Variants in ZFPM2 observed in about 807,000 individuals in gnomAD.
ZFPM2 encodes the protein zinc finger protein, FOG family member 2.
ZFPM2 carries 20 observed loss-of-function variants against 98.6 expected under a neutral mutation model. That is an observed-to-expected ratio of 0.20 (90% CI 0.14 to 0.29). ZFPM2 has a LOEUF of 0.29. ZFPM2 is among the 10% of genes least tolerant of loss of function. The probability of loss-of-function intolerance (pLI) is 1.00; values close to 1 mark genes in which losing one functional copy is unlikely to be tolerated. For missense variants in ZFPM2, 1,310 were observed against 1,388.6 expected (o/e 0.94, Z 0.90); for synonymous variants, 518 against 502.7 (o/e 1.03, Z -0.41).
chr8:105,621,920 A>G (rs1174816697), intron 4 of ZFPM2, among the ~76,000 whole-genome samples: 4 of 152,142 alleles, frequency 2.6e-5, no homozygotes, highest in Non-Finnish European at 5.9e-5. Context: ...ACATAGGTAT[A>G]CATGTGCCAT....
At position 105,526,533 on chromosome 8, in the gene ZFPM2, T is replaced by C. The variant is rs140639462; in HGVS notation, c.302-34830T>C. Reference sequence around the variant, plus strand: ...AAATACAGAAACTACCTGACTAGCCTCTTTGATTTTTTAAATTTTATATTT... The same window carrying C: ...AAATACAGAAACTACCTGACTAGCCCCTTTGATTTTTTAAATTTTATATTT... On this transcript the variant is annotated intron_variant, in intron 3 of 7. Coordinates refer to ENST00000407775, the MANE Select transcript of ZFPM2 (RefSeq NM_012082.4). 1.1e-3 allele frequency among the ~76,000 whole-genome samples: 167 copies of C among 152,318 alleles called. 4 individuals are homozygous for C. The East Asian group carries it at 0.012, about 11-fold the overall frequency.
At chr8:105,395,330 G>C (rs756019456) in intron 1 of ZFPM2, among the ~76,000 whole-genome samples, 1 of 152,146 alleles carries the variant, frequency 6.6e-6, no homozygotes, top group Admixed American at 6.5e-5. Flanking sequence ...GTATTACCAT[G>C]TGTCGTCTCT....
chr8:105,684,281 A>C (rs935253500), intron 5 of ZFPM2, among the ~76,000 whole-genome samples: 7 of 152,120 alleles, frequency 4.6e-5, no homozygotes, highest in African/African-American at 1.4e-4. Flanking sequence ...AGATTTTGAC[A>C]TGAAATGCAT....
chr8:105,661,551 C>G (rs1339548199), intron 5 of ZFPM2, among the ~76,000 whole-genome samples: 1 of 152,024 alleles, frequency 6.6e-6, no homozygotes, highest in East Asian at 1.9e-4. Context: ...ATTGTTAGAC[C>G]GCAGACCTTT....
chr8:105,398,986 G>T (rs1811279992), intron 1 of ZFPM2, among the ~76,000 whole-genome samples: 1 of 152,136 alleles, frequency 6.6e-6, no homozygotes, highest in Non-Finnish European at 1.5e-5. Flanking sequence ...AGCAGAAGTG[G>T]AGTGTTCCAG....
At chr8:105,442,365 C>T (rs1812271378) in intron 2 of ZFPM2, among the ~76,000 whole-genome samples, 1 of 151,862 alleles carries the variant, frequency 6.6e-6, no homozygotes, top group African/African-American at 2.4e-5. Flanking sequence ...AAAACAAAAA[C>T]AAAAAAACAA....
rs748616841 is a variant in ZFPM2 at position 105,802,991 on chromosome 8, G to C, written c.2909G>C (p.Gly970Ala). ...TTTCTTCCACAATGCCTTTACCCTGGAGCAATAAAGAAAGCAAAAGGAGCC... is the reference window on the plus strand; with the variant it reads ...TTTCTTCCACAATGCCTTTACCCTGCAGCAATAAAGAAAGCAAAAGGAGCC... ...HLFLPQCLYP[G>A]AIKKAKGADQ... The change falls in exon 8 of 8, where the codon GGA (glycine) becomes GCA (alanine). Residue 970 changes from glycine (G) to alanine (A), a missense_variant. Coordinates refer to ENST00000407775, the MANE Select transcript of ZFPM2 (RefSeq NM_012082.4). 34 of 1,612,780 alleles carry C rather than the reference G, an allele frequency of 2.1e-5. No homozygotes were observed. Among genetic ancestry groups the C allele is most frequent in the Middle Eastern group, 1.7e-4 (1 of 6,058 alleles).
At chr8:105,543,994 C>T (rs1254926000) in intron 3 of ZFPM2, among the ~76,000 whole-genome samples, 1 of 152,152 alleles carries the variant, frequency 6.6e-6, no homozygotes, top group Admixed American at 6.5e-5. Context: ...ATGAACAATT[C>T]TAACTGAAGA....
chr8:105,446,209 C>T (rs922102537), intron 3 of ZFPM2, among the ~76,000 whole-genome samples: 7 of 151,778 alleles, frequency 4.6e-5, no homozygotes, highest in African/African-American at 1.5e-4. Flanking sequence ...CGTGAGCTAC[C>T]GTGCCCGGCG....
At chr8:105,583,732 T>C (rs1320421227) in intron 4 of ZFPM2, among the ~76,000 whole-genome samples, 1 of 151,784 alleles carries the variant, frequency 6.6e-6, no homozygotes, top group Non-Finnish European at 1.5e-5. Flanking sequence ...TCCCAGAGAG[T>C]TGAAGAATAA....
chr8:105,336,536 A>T (rs998777490), intron 1 of ZFPM2, among the ~76,000 whole-genome samples: 2 of 151,834 alleles, frequency 1.3e-5, no homozygotes, highest in African/African-American at 4.8e-5. Context: ...TTATAAAAAG[A>T]TCTTGTTGAA....
chr8:105,747,535 A>T (rs1355570266), intron 5 of ZFPM2, among the ~76,000 whole-genome samples: 1 of 152,054 alleles, frequency 6.6e-6, no homozygotes, highest in Non-Finnish European at 1.5e-5. Flanking sequence ...GTAGATTAAA[A>T]CCAAACAGGA....
intron 5 of ZFPM2, among the ~76,000 whole-genome samples, chr8:105,788,506 T>C (rs1004736264): frequency 6.6e-6 from 1 of 152,158 alleles, no homozygotes; most frequent in African/African-American, 2.4e-5. Context: ...AGTCTCCTCC[T>C]ACTTCTGGTC....
rs2130407273 is a variant in ZFPM2, at chr8:105,485,999, A to G, written c.301+41618A>G. ...AGCAGGTTCAATAACACGGAGATCT[A>G]TCACCTGAGCTTTGGATGACTCACA... On this transcript the variant is annotated intron_variant, in intron 3 of 7. Transcript: ENST00000407775. Among the ~76,000 whole-genome samples, 3 of 152,172 alleles carry G rather than the reference A, an allele frequency of 2.0e-5. No individual in the cohort carries two copies. The East Asian group carries it at 5.8e-4, about 30-fold the overall frequency.
At chr8:105,505,966 G>C (rs1654981968) in intron 3 of ZFPM2, among the ~76,000 whole-genome samples, 1 of 152,006 alleles carries the variant, frequency 6.6e-6, no homozygotes, top group Non-Finnish European at 1.5e-5. Flanking sequence ...TATTTTTAAA[G>C]CAGGAATAAA....
At chr8:105,729,878 T>C (rs2131011983) in intron 5 of ZFPM2, among the ~76,000 whole-genome samples, 1 of 151,296 alleles carries the variant, frequency 6.6e-6, no homozygotes, top group South Asian at 2.1e-4. Flanking sequence ...CTCTATTAAA[T>C]ATATATAGTA....
rs376834507 is a variant in ZFPM2, at chr8:105,693,980, CT to C, written c.532+59645del. On this transcript the variant is annotated intron_variant, in intron 5 of 7. Transcript: ENST00000407775. ...TTTTTTTCTTTTCTTTTTTTCTTTT[CT>C]TTTTTTTTTTTTTTTTTTTTTGAGA... 9.0e-3 allele frequency among the ~76,000 whole-genome samples: 1,067 copies of C among 118,210 alleles called. 7 individuals carry two copies. The highest frequency in any genetic ancestry group is 0.034 in the African/African-American group (978 of 28,570). 77.6% of individuals were successfully genotyped at this position (118,210 alleles called of 152,430 possible). A position where few individuals can be genotyped will look rare whatever the true frequency, so the allele number is the denominator to read the frequency against.
chr8:105,763,214 T>A (rs1481650159), intron 5 of ZFPM2, among the ~76,000 whole-genome samples: 1 of 151,856 alleles, frequency 6.6e-6, no homozygotes, highest in African/African-American at 2.4e-5. Flanking sequence ...TTGAAGCCCA[T>A]AACTATTTTC....
chr8:105,583,737 G>A (rs1327346777), intron 4 of ZFPM2, among the ~76,000 whole-genome samples: 1 of 152,142 alleles, frequency 6.6e-6, no homozygotes, highest in African/African-American at 2.4e-5. Context: ...GAGAGTTGAA[G>A]AATAAACATA....
Sources: allele counts gnomAD v4.1 joint callset (sites outside exome capture counted in the v4.1 genomes callset), GRCh38; gene constraint gnomAD v4.1.1; transcripts MANE v1.5; gene names NCBI Gene and HGNC (gene_info 2026-07-23, HGNC 2026-07-21).